Variants in RASSF5 observed in about 807,000 individuals in gnomAD.
RASSF5 encodes Ras association domain family member 5, also known as ras association domain-containing protein 5.
In RASSF5, 25 loss-of-function variants were observed where a neutral mutation model predicts 40.5. That is an observed-to-expected ratio of 0.62 (90% CI 0.45 to 0.86). The LOEUF is 0.86. Among genes scored for constraint, RASSF5 ranks in the 40% least tolerant of loss-of-function variants. The probability of loss-of-function intolerance (pLI) is 0.00; values close to 1 mark genes in which losing one functional copy is unlikely to be tolerated. For missense variants in RASSF5, 521 were observed against 572.8 expected, an observed-to-expected ratio of 0.91 and a Z score of 0.92; for synonymous variants, 246 against 252.4, an observed-to-expected ratio of 0.97 and a Z score of 0.24.
At position 206,584,593 on chromosome 1, in the gene RASSF5, T is replaced by A; in HGVS notation, c.897T>A (p.Ser299Arg). 6.2e-7 allele frequency: 1 copy of A among 1,614,218 alleles called. No homozygotes were observed. Among genetic ancestry groups the A allele is most frequent in the Non-Finnish European group, 8.5e-7 (1 of 1,180,042 alleles). Reference sequence around the variant, plus strand: ...ACATCAGCAGCACCACCACCGTCAGTGAGGTCATCCAGGGGCTGCTCAAGA... The same window carrying A: ...ACATCAGCAGCACCACCACCGTCAGAGAGGTCATCCAGGGGCTGCTCAAGA... ...QLHISSTTTV[S>R]EVIQGLLKKF... is the part of the protein sequence containing the mutation. The change falls in exon 4 of 6, where the codon AGT (serine) becomes AGA (arginine). Residue 299 changes from serine (S) to arginine (R), a missense_variant. Transcript: ENST00000579436. The surrounding 1 kb of genome is among the most constrained non-coding windows in gnomAD (Gnocchi z 4.9).
chr1:206,510,718 G>A lies in RASSF5; in HGVS notation c.457+2659G>A, dbSNP rs564391884. ...TCCTACCTGATGTCCTGCTGTGGCT[G>A]AGGAGACCCTTCTTTGCCTGGCATA... On this transcript the variant is annotated intron_variant, in intron 1 of 5. Transcript: ENST00000579436. 1.1e-4 allele frequency among the ~76,000 whole-genome samples: 17 copies of A among 152,318 alleles called. No homozygotes were observed. The South Asian group carries it at 3.3e-3, about 30-fold the overall frequency.
chr1:206,577,727 CT>C (rs1482676626), intron 2 of RASSF5, among the ~76,000 whole-genome samples: 1 of 152,226 alleles, frequency 6.6e-6, no homozygotes, highest in African/African-American at 2.4e-5. Context: ...GCTCACTGCA[CT>C]GTAATTCCTA....
At chr1:206,517,928 A>G (rs113652583) in intron 1 of RASSF5, among the ~76,000 whole-genome samples, 389 of 152,124 alleles carry the variant, frequency 2.6e-3, no homozygotes, top group Non-Finnish European at 4.6e-3. Flanking sequence ...AATTAGCCCC[A>G]GTTTGTCCCT....
intron 2 of RASSF5, among the ~76,000 whole-genome samples, chr1:206,575,016 TTTTTTG>T (rs1316163857): frequency 8.4e-6 from 1 of 119,516 alleles, no homozygotes; most frequent in Non-Finnish European, 1.9e-5. Flanking sequence ...CACGGATAAT[TTTTTTG>T]TTTTTGTTTT....
chr1:206,548,050 C>T (rs1667740920), intron 2 of RASSF5, among the ~76,000 whole-genome samples: 2 of 152,090 alleles, frequency 1.3e-5, no homozygotes, highest in African/African-American at 4.8e-5. Context: ...TAGGTTGGCA[C>T]TTTTTTTCTT....
chr1:206,549,653 A>G (rs1553400801), intron 2 of RASSF5, among the ~76,000 whole-genome samples: 1 of 152,184 alleles, frequency 6.6e-6, no homozygotes, highest in African/African-American at 2.4e-5. Context: ...ACCCAGTTAA[A>G]TTACTTAGAA....
intron 2 of RASSF5, among the ~76,000 whole-genome samples, chr1:206,547,448 A>G (rs1553400392): frequency 6.6e-6 from 1 of 151,854 alleles, no homozygotes; most frequent in African/African-American, 2.4e-5. Flanking sequence ...CATGCGAGGG[A>G]TCTAGGTTGC....
intron 2 of RASSF5, among the ~76,000 whole-genome samples, chr1:206,549,159 C>T (rs1323270078): frequency 6.6e-6 from 1 of 152,128 alleles, no homozygotes; most frequent in Non-Finnish European, 1.5e-5. Flanking sequence ...AGCCACCATG[C>T]CTGGCCTGTG....
chr1:206,518,314 C>T (rs1421730816), intron 1 of RASSF5: 22 of 396,314 alleles, frequency 5.6e-5, no homozygotes, highest in South Asian at 1.4e-4. Context: ...GGGCCCTCCC[C>T]GGAGCCCTCC....
In RASSF5 at chr1:206,523,740, T is replaced by C. The variant is rs1176024091; in HGVS notation, c.458-14432T>C. On this transcript the variant is annotated intron_variant, in intron 1 of 5. Transcript: ENST00000579436. Reference sequence around the variant, plus strand: ...CAATATATTTATATATTATATATAATATATTTTATATAATATACATAATAT... The same window carrying C: ...CAATATATTTATATATTATATATAACATATTTTATATAATATACATAATAT... 5.3e-3 allele frequency among the ~76,000 whole-genome samples: 525 copies of C among 98,904 alleles called. 4 individuals are homozygous for C. The highest frequency in any genetic ancestry group is 8.3e-3 in the Non-Finnish European group (463 of 55,614). 64.9% of individuals were successfully genotyped at this position (98,904 alleles called of 152,430 possible).
intron 2 of RASSF5, among the ~76,000 whole-genome samples, chr1:206,545,262 A>G (rs540066054): frequency 1.3e-3 from 192 of 151,432 alleles, no homozygotes; most frequent in African/African-American, 4.3e-3. Flanking sequence ...ATAATTGTGG[A>G]TTTGTGTATT....
At chr1:206,569,141 G>A (rs1377568701) in intron 2 of RASSF5, among the ~76,000 whole-genome samples, 1 of 152,232 alleles carries the variant, frequency 6.6e-6, no homozygotes, top group Non-Finnish European at 1.5e-5. Flanking sequence ...CTGCCATGAG[G>A]CAAATTGATG....
At chr1:206,547,850 T>G (rs1667737078) in intron 2 of RASSF5, among the ~76,000 whole-genome samples, 1 of 152,168 alleles carries the variant, frequency 6.6e-6, no homozygotes, top group Non-Finnish European at 1.5e-5. Flanking sequence ...GGTTACCATT[T>G]CTGGTACTTT....
At chr1:206,581,610 AAG>A (rs1244539069) in intron 2 of RASSF5, among the ~76,000 whole-genome samples, 1 of 147,962 alleles carries the variant, frequency 6.8e-6, no homozygotes, top group African/African-American at 2.5e-5. Context: ...GAAAGAAAGA[AAG>A]AGAGAGAGAC....
At chr1:206,554,754 C>T (rs1667938690) in intron 2 of RASSF5, among the ~76,000 whole-genome samples, 1 of 152,180 alleles carries the variant, frequency 6.6e-6, no homozygotes, top group African/African-American at 2.4e-5. Flanking sequence ...TCCTGTCTTC[C>T]TTCCTTTGAG....
intron 2 of RASSF5, among the ~76,000 whole-genome samples, chr1:206,567,762 A>AAATGGCTGG (rs1668326745): frequency 6.6e-6 from 1 of 152,138 alleles, no homozygotes; most frequent in African/African-American, 2.4e-5. Flanking sequence ...GGCTGCTGGG[A>AAATGGCTGG]AATGGCTGGA....
chr1:206,565,665 C>T (rs563929678), intron 2 of RASSF5, among the ~76,000 whole-genome samples: 6 of 152,202 alleles, frequency 3.9e-5, no homozygotes, highest in Admixed American at 1.3e-4. Flanking sequence ...GGAAGATGCT[C>T]TCAGCAACTG....
chr1:206,583,243 C>G, intron 2 of RASSF5, 26 bp from the exon 3 acceptor site: 1 of 1,469,948 alleles, frequency 6.8e-7, no homozygotes, highest in Non-Finnish European at 9.5e-7. Flanking sequence ...ACTACACATC[C>G]ACCTCCACTT....
intron 5 of RASSF5, 130 bp from the exon 6 acceptor site, chr1:206,586,696 A>C (rs1669128836): frequency 1.4e-6 from 1 of 739,420 alleles, no homozygotes; most frequent in African/African-American, 1.7e-5. Context: ...CAGTCTGTTC[A>C]GTAGCAAACT....
Sources: gnomAD v4.1 joint callset for allele counts (sites outside exome capture counted in the v4.1 genomes callset) on GRCh38, gnomAD v4.1.1 for gene constraint, Gnocchi (gnomAD v3.1) non-coding constraint, MANE v1.5 for transcripts, NCBI Gene and HGNC (gene_info 2026-07-23, HGNC 2026-07-21) for gene names.